The following LRRC72 variants were observed in gnomAD, a reference collection of about 807,000 sequenced individuals.
LRRC72 encodes the protein leucine-rich repeat-containing protein 72.
In LRRC72, 41 loss-of-function variants were observed where a neutral mutation model predicts 35.8. That is an observed-to-expected ratio of 1.15 (90% CI 0.89 to 1.49). The LOEUF (loss-of-function observed/expected upper bound fraction) is 1.49, where lower values mean the gene tolerates loss of function less well. Ranked by LOEUF, LRRC72 falls within the 40% of genes most tolerant of loss-of-function variation. The pLI, the probability that LRRC72 is intolerant of heterozygous loss-of-function variation, is 0.00. For synonymous variants in LRRC72, 118 were observed against 119.2 expected, an observed-to-expected ratio of 0.99 and a Z score of 0.07; for missense variants, 389 against 330.7, an observed-to-expected ratio of 1.18 and a Z score of -1.37.
chr7:16,557,950 T>G (rs1562747003), intron 4 of LRRC72, among the ~76,000 whole-genome samples: 2 of 152,174 alleles, frequency 1.3e-5, no homozygotes, highest in South Asian at 4.1e-4. Flanking sequence ...TCATATATCA[T>G]AGAATCAAAA....
chr7:16,579,132 A>G (rs540314089), intron 7 of LRRC72, among the ~76,000 whole-genome samples: 2 of 152,352 alleles, frequency 1.3e-5, no homozygotes, highest in African/African-American at 4.8e-5. Context: ...TACACAAAAA[A>G]TGGCAACTGT....
intron 5 of LRRC72, among the ~76,000 whole-genome samples, chr7:16,561,101 C>A (rs1162995897): frequency 6.6e-6 from 1 of 151,924 alleles, no homozygotes; most frequent in Admixed American, 6.6e-5. Flanking sequence ...ATAATCTATT[C>A]ATTCATTCAT....
chr7:16,539,301 G>C (rs1364860823), intron 3 of LRRC72, among the ~76,000 whole-genome samples: 1 of 152,156 alleles, frequency 6.6e-6, no homozygotes, highest in African/African-American at 2.4e-5. Context: ...CCCTGCCCTA[G>C]AGACCTGTGG....
chr7:16,555,155 C>T (rs1782628986), intron 3 of LRRC72, among the ~76,000 whole-genome samples: 3 of 152,182 alleles, frequency 2.0e-5, no homozygotes, highest in Admixed American at 2.0e-4. Flanking sequence ...CATAACAAAA[C>T]ATTTGGTGAA....
At chr7:16,560,158 G>T (rs1358981426) in intron 5 of LRRC72, among the ~76,000 whole-genome samples, 1 of 152,144 alleles carries the variant, frequency 6.6e-6, no homozygotes, top group East Asian at 1.9e-4. Flanking sequence ...TCAGACTTTA[G>T]AGTTTAGAGA....
At chr7:16,572,757 C>G (rs1782970298) in intron 7 of LRRC72, among the ~76,000 whole-genome samples, 1 of 152,044 alleles carries the variant, frequency 6.6e-6, no homozygotes, top group Non-Finnish European at 1.5e-5. Flanking sequence ...CAAGGATGCC[C>G]TCTCTCACCA....
chr7:16,577,759 C>T (rs946165084), intron 7 of LRRC72, among the ~76,000 whole-genome samples: 1 of 152,042 alleles, frequency 6.6e-6, no homozygotes, highest in Non-Finnish European at 1.5e-5. Context: ...ATGGACAAGA[C>T]ATATATACAA....
chr7:16,568,582 A>C (rs1022809634), intron 7 of LRRC72, among the ~76,000 whole-genome samples: 1 of 152,232 alleles, frequency 6.6e-6, no homozygotes, highest in African/African-American at 2.4e-5. Context: ...GTAATGTTTA[A>C]AGTGATAATG....
intron 1 of LRRC72, 70 bp downstream of exon 1, chr7:16,527,112 T>C: frequency 1.6e-6 from 2 of 1,253,812 alleles, no homozygotes; most frequent in South Asian, 1.3e-5. Flanking sequence ...ACCTCCTGCC[T>C]GAGGACTCCA....
At chr7:16,559,902 G>C (rs1304108881) in intron 5 of LRRC72, among the ~76,000 whole-genome samples, 2 of 149,962 alleles carry the variant, frequency 1.3e-5, no homozygotes, top group Non-Finnish European at 3.0e-5. Flanking sequence ...AAAACTAAAA[G>C]ACTTTTTAAG....
At chr7:16,574,019 C>T (rs569181481) in intron 7 of LRRC72, among the ~76,000 whole-genome samples, 1 of 152,230 alleles carries the variant, frequency 6.6e-6, no homozygotes, top group African/African-American at 2.4e-5. Context: ...CAAAAGAAAA[C>T]ATTTATGCAG....
At chr7:16,577,370 C>T (rs1367304817) in intron 7 of LRRC72, among the ~76,000 whole-genome samples, 1 of 151,826 alleles carries the variant, frequency 6.6e-6, no homozygotes, top group Non-Finnish European at 1.5e-5. Context: ...AAGGGAGATA[C>T]CATATACAAA....
In LRRC72 at chr7:16,566,403, G is replaced by A. The variant is rs939620779; in HGVS notation, c.517+1G>A. 3.1e-5 allele frequency: 48 copies of A among 1,534,088 alleles called. No homozygotes were observed. Among genetic ancestry groups the A allele is most frequent in the Middle Eastern group, 3.4e-4 (2 of 5,960 alleles). ...GGAGTGGAGCTGCTTGACCGAAATC[G>A]TAAGGACCCTTCCTTCTTGCAAAGA... On this transcript the variant is annotated splice_donor_variant, in intron 6 of 8. Coordinates refer to ENST00000401542, the MANE Select transcript of LRRC72 (RefSeq NM_001195280.2). LOFTEE classifies it high-confidence loss of function.
intron 7 of LRRC72, among the ~76,000 whole-genome samples, chr7:16,571,326 A>G (rs1169866369): frequency 6.6e-6 from 1 of 152,114 alleles, no homozygotes; most frequent in Non-Finnish European, 1.5e-5. Flanking sequence ...CCCTTTTGGA[A>G]TTCAGGAAAA....
intron 3 of LRRC72, among the ~76,000 whole-genome samples, chr7:16,542,115 A>G (rs1782368117): frequency 6.6e-6 from 1 of 152,022 alleles, no homozygotes; most frequent in Non-Finnish European, 1.5e-5. Context: ...GCATGTACCA[A>G]TGTCTAGAAG....
At chr7:16,530,866 G>A (rs954459583) in intron 1 of LRRC72, among the ~76,000 whole-genome samples, 3 of 152,150 alleles carry the variant, frequency 2.0e-5, no homozygotes, top group African/African-American at 4.8e-5. Context: ...CTGACTGTAC[G>A]TAGTAGAGGC....
intron 1 of LRRC72, among the ~76,000 whole-genome samples, chr7:16,529,912 T>C: frequency 6.6e-6 from 1 of 152,198 alleles, no homozygotes; most frequent in Non-Finnish European, 1.5e-5. Context: ...TAAAAATATA[T>C]ATTGCCTAGA....
At chr7:16,531,900 C>T (rs1159235661) in intron 1 of LRRC72, among the ~76,000 whole-genome samples, 1 of 152,158 alleles carries the variant, frequency 6.6e-6, no homozygotes, top group Non-Finnish European at 1.5e-5. Flanking sequence ...AGTATGTTAG[C>T]AACTCATGAG....
intron 5 of LRRC72, among the ~76,000 whole-genome samples, chr7:16,564,513 GA>G (rs60361120): frequency 0.085 from 12,351 of 144,460 alleles, 1,693 homozygotes; most frequent in African/African-American, 0.29. Flanking sequence ...AAGAAATCTT[GA>G]AAAAAAAAAA....
Sources: allele counts gnomAD v4.1 joint callset (sites outside exome capture counted in the v4.1 genomes callset), GRCh38; gene constraint gnomAD v4.1.1; transcripts MANE v1.5; gene names NCBI Gene and HGNC (gene_info 2026-07-23, HGNC 2026-07-21).